The following CCDC158 variants were observed in gnomAD, a reference collection of about 807,000 sequenced individuals.
CCDC158 encodes the protein coiled-coil domain-containing protein 158.
Under a neutral mutation model 138.6 loss-of-function variants are expected in CCDC158, and 116 were observed. That is an observed-to-expected ratio of 0.84 (90% CI 0.72 to 0.98). The LOEUF is 0.98. Ranked by LOEUF, CCDC158 falls within the 50% of genes least tolerant of loss-of-function variation. The pLI, the probability that CCDC158 is intolerant of heterozygous loss-of-function variation, is 0.00. For synonymous variants in CCDC158, 436 were observed against 442.4 expected (o/e 0.99, Z 0.18); for missense variants, 1,265 against 1,306.1 (o/e 0.97, Z 0.48).
intron 4 of CCDC158, among the ~76,000 whole-genome samples, chr4:76,388,152 T>C (rs772579413): frequency 7.9e-5 from 12 of 152,100 alleles, no homozygotes; most frequent in Non-Finnish European, 1.6e-4. Context: ...CATTCCCAGC[T>C]ATGGTGGCTA....
At chr4:76,391,110 T>C (rs1298636220) in intron 4 of CCDC158, among the ~76,000 whole-genome samples, 1 of 151,990 alleles carries the variant, frequency 6.6e-6, no homozygotes, top group Non-Finnish European at 1.5e-5. Flanking sequence ...TAAAACCTAA[T>C]CTGTACTATA....
At chr4:76,386,210 G>A (rs1726769797) in intron 4 of CCDC158, among the ~76,000 whole-genome samples, 1 of 152,046 alleles carries the variant, frequency 6.6e-6, no homozygotes, top group Non-Finnish European at 1.5e-5. Flanking sequence ...TGCCATCCTC[G>A]ATGGGAACAC....
At chr4:76,340,283 T>C (rs913154394) in intron 18 of CCDC158, among the ~76,000 whole-genome samples, 4 of 152,230 alleles carry the variant, frequency 2.6e-5, no homozygotes, top group African/African-American at 7.2e-5. Flanking sequence ...AGCTAGTGCA[T>C]GATCACCTAT....
intron 12 of CCDC158, among the ~76,000 whole-genome samples, chr4:76,363,464 C>T (rs114877528): frequency 8.5e-5 from 13 of 152,168 alleles, no homozygotes; most frequent in African/African-American, 2.2e-4. Context: ...CTGAGTCTGG[C>T]GAGTCCTCCT....
chr4:76,394,763 T>C (rs967281312), intron 4 of CCDC158, among the ~76,000 whole-genome samples: 5 of 151,430 alleles, frequency 3.3e-5, no homozygotes, highest in Admixed American at 2.0e-4. Flanking sequence ...ATATACCTTT[T>C]TGTTTAATTA....
chr4:76,417,623 T>C (rs912114349), intron 1 of CCDC158, among the ~76,000 whole-genome samples: 1 of 152,146 alleles, frequency 6.6e-6, no homozygotes, highest in Non-Finnish European at 1.5e-5. Context: ...ACCATGATTC[T>C]GAGGCCTTCC....
chr4:76,345,478 G>A (rs1050284088), intron 18 of CCDC158: 3 of 934,504 alleles, frequency 3.2e-6, no homozygotes, highest in East Asian at 2.4e-5. Flanking sequence ...AAACCGAAGA[G>A]AGTGGCAGCA....
chr4:76,383,024 T>C (rs780303098), intron 7 of CCDC158, among the ~76,000 whole-genome samples: 7 of 152,106 alleles, frequency 4.6e-5, no homozygotes, highest in Non-Finnish European at 1.0e-4. Context: ...ACGAAACATA[T>C]CATGAATGCA....
At chr4:76,416,268 G>A (rs1397481853) in intron 1 of CCDC158, among the ~76,000 whole-genome samples, 1 of 152,006 alleles carries the variant, frequency 6.6e-6, no homozygotes, top group Non-Finnish European at 1.5e-5. Context: ...CCCTTTTCTT[G>A]TATCCAATAA....
At chr4:76,319,982 G>A (rs1719853067) in intron 24 of CCDC158, among the ~76,000 whole-genome samples, 1 of 152,096 alleles carries the variant, frequency 6.6e-6, no homozygotes, top group Non-Finnish European at 1.5e-5. Context: ...CATCCAAATG[G>A]GTGAAGAGGA....
intron 19 of CCDC158, 154 bp downstream of exon 19, chr4:76,333,856 A>G (rs952732708): frequency 4.3e-6 from 2 of 464,234 alleles, no homozygotes; most frequent in Admixed American, 7.9e-5. Context: ...ACATTTGCTT[A>G]ACTCCTCCAT....
upstream of CCDC158, among the ~76,000 whole-genome samples, chr4:76,421,258 G>A (rs1309990825): frequency 6.6e-6 from 1 of 152,006 alleles, no homozygotes; most frequent in Non-Finnish European, 1.5e-5. Context: ...GAGGGGAGGA[G>A]GGGGGTGCTC....
At chr4:76,330,843 T>A (rs576681934) in intron 21 of CCDC158, among the ~76,000 whole-genome samples, 6 of 152,212 alleles carry the variant, frequency 3.9e-5, no homozygotes, top group African/African-American at 1.2e-4. Flanking sequence ...CTGGAACAAA[T>A]CCCCCATGGA....
At chr4:76,401,413 A>G in intron 3 of CCDC158, 1 of 467,542 alleles carries the variant, frequency 2.1e-6, no homozygotes. Flanking sequence ...AGACTAAGTC[A>G]ATTTTCTGGA....
At chr4:76,334,394 G>A (rs953661163) in intron 18 of CCDC158, among the ~76,000 whole-genome samples, 5 of 151,914 alleles carry the variant, frequency 3.3e-5, no homozygotes, top group Non-Finnish European at 5.9e-5. Context: ...ACACATATGG[G>A]GCCAAACTAC....
intron 21 of CCDC158, among the ~76,000 whole-genome samples, chr4:76,330,187 A>T (rs1012055640): frequency 1.1e-4 from 17 of 152,072 alleles, no homozygotes; most frequent in African/African-American, 4.1e-4. Flanking sequence ...GGGTACTCAG[A>T]GGCAGTAAGC....
chr4:76,332,850 G>A lies in CCDC158; in HGVS notation c.2823-359C>T, dbSNP rs77487227. Among the ~76,000 whole-genome samples the A allele has an allele frequency of 3.3e-5, 5 of 152,336 alleles. No homozygotes were observed. The East Asian group carries it at 9.6e-4, about 29-fold the overall frequency. Reference sequence around the variant, plus strand: ...GCTGGAGTGGTGGAAGCTGATCAGGGAAGTCCTGGTAATCCCTCAGAATAA... The same window carrying A: ...GCTGGAGTGGTGGAAGCTGATCAGGAAAGTCCTGGTAATCCCTCAGAATAA... On this transcript the variant is annotated intron_variant, in intron 19 of 24. Transcript: ENST00000682701.
At chr4:76,396,784 C>T (rs756781319) in intron 3 of CCDC158, among the ~76,000 whole-genome samples, 4 of 152,114 alleles carry the variant, frequency 2.6e-5, no homozygotes, top group South Asian at 2.1e-4. Flanking sequence ...CTGCCCACCT[C>T]GGCCTCCCAA....
At chr4:76,395,658 G>C (rs900776285) in intron 4 of CCDC158, among the ~76,000 whole-genome samples, 2 of 151,718 alleles carry the variant, frequency 1.3e-5, no homozygotes, top group African/African-American at 4.9e-5. Flanking sequence ...ACCAGAATAG[G>C]TACCAATGGA....
Sources: gnomAD v4.1 joint callset for allele counts (sites outside exome capture counted in the v4.1 genomes callset) on GRCh38, gnomAD v4.1.1 for gene constraint, MANE v1.5 for transcripts, NCBI Gene and HGNC (gene_info 2026-07-23, HGNC 2026-07-21) for gene names.